The following MACROD2 variants were observed in gnomAD, a reference collection of about 807,000 sequenced individuals.
MACROD2 encodes ADP-ribose glycohydrolase MACROD2.
MACROD2 carries 36 observed loss-of-function variants against 70.4 expected under a neutral mutation model. The ratio of observed to expected loss-of-function variants is 0.51; its 90% CI spans 0.39 to 0.68. MACROD2 has a LOEUF of 0.68. Among genes scored for constraint, MACROD2 ranks in the 30% least tolerant of loss-of-function variants. MACROD2 has a pLI of 0.00. For synonymous variants in MACROD2, 172 were observed against 178.8 expected, an observed-to-expected ratio of 0.96 and a Z score of 0.30; for missense variants, 496 against 538.4, an observed-to-expected ratio of 0.92 and a Z score of 0.78.
intron 6 of MACROD2, among the ~76,000 whole-genome samples, chr20:15,248,277 A>G (rs533669061): frequency 1.4e-4 from 21 of 152,220 alleles, no homozygotes; most frequent in Admixed American, 1.1e-3. Context: ...TCCTCCCTGC[A>G]TCTGTCTGTG....
At chr20:14,972,789 G>A (rs190719756) in intron 5 of MACROD2, among the ~76,000 whole-genome samples, 3 of 152,266 alleles carry the variant, frequency 2.0e-5, no homozygotes, top group Non-Finnish European at 4.4e-5. Context: ...TGGAAGCATA[G>A]ATGCTTCACT....
intron 5 of MACROD2, among the ~76,000 whole-genome samples, chr20:14,860,346 A>G (rs137952349): frequency 6.6e-6 from 1 of 151,598 alleles, no homozygotes; most frequent in Non-Finnish European, 1.5e-5. Flanking sequence ...GATTGAATCA[A>G]TGCTTTTTTT....
intron 5 of MACROD2, among the ~76,000 whole-genome samples, chr20:15,102,793 T>C (rs2075883039): frequency 6.6e-6 from 1 of 152,002 alleles, no homozygotes; most frequent in Non-Finnish European, 1.5e-5. Context: ...AACCCAAATG[T>C]GGCAGGAGAA....
intron 6 of MACROD2, among the ~76,000 whole-genome samples, chr20:15,427,156 C>T (rs2046309239): frequency 6.6e-6 from 1 of 152,140 alleles, no homozygotes; most frequent in Non-Finnish European, 1.5e-5. Context: ...TTTATCATTG[C>T]CTTTTTGTTT....
chr20:14,164,582 G>A (rs1424676787), intron 3 of MACROD2, among the ~76,000 whole-genome samples: 1 of 152,116 alleles, frequency 6.6e-6, no homozygotes, highest in African/African-American at 2.4e-5. Flanking sequence ...GTTGGCAGTG[G>A]CTGTGACAGG....
chr20:14,785,938 G>C (rs1159741818), intron 5 of MACROD2, among the ~76,000 whole-genome samples: 2 of 152,038 alleles, frequency 1.3e-5, no homozygotes, highest in Non-Finnish European at 2.9e-5. Flanking sequence ...TGCTTCTTCA[G>C]TACATCAGCA....
At chr20:15,834,630 A>G (rs1240923759) in intron 8 of MACROD2, among the ~76,000 whole-genome samples, 8 of 152,142 alleles carry the variant, frequency 5.3e-5, no homozygotes, top group Non-Finnish European at 1.2e-4. Context: ...CTACTTAACG[A>G]GGATTTCTTC....
At chr20:15,445,340 A>G (rs914193174) in intron 7 of MACROD2, among the ~76,000 whole-genome samples, 6 of 152,172 alleles carry the variant, frequency 3.9e-5, no homozygotes, top group Non-Finnish European at 8.8e-5. Flanking sequence ...ACTGTAGCCA[A>G]TTGTTTAAAA....
chr20:15,957,668 C>A (rs1279632449), intron 12 of MACROD2, among the ~76,000 whole-genome samples: 2 of 152,172 alleles, frequency 1.3e-5, no homozygotes, highest in African/African-American at 4.8e-5. Context: ...TAAAAAGTCT[C>A]AAAAGGCATT....
intron 5 of MACROD2, among the ~76,000 whole-genome samples, chr20:14,807,707 G>A (rs1263634711): frequency 6.6e-6 from 1 of 152,086 alleles, no homozygotes; most frequent in Non-Finnish European, 1.5e-5. Context: ...AAAGGTTAGA[G>A]GAACGGCTAA....
At chr20:14,705,933 C>T (rs2071264214) in intron 5 of MACROD2, among the ~76,000 whole-genome samples, 1 of 151,854 alleles carries the variant, frequency 6.6e-6, no homozygotes, top group African/African-American at 2.4e-5. Context: ...TCTTTTTCTT[C>T]TCTTGTACAG....
At chr20:15,018,676 T>C (rs1374248036) in intron 5 of MACROD2, among the ~76,000 whole-genome samples, 1 of 151,998 alleles carries the variant, frequency 6.6e-6, no homozygotes, top group Non-Finnish European at 1.5e-5. Context: ...GCTAGGCCCG[T>C]CTCTCCTTTT....
chr20:15,468,533 T>C (rs1000557675), intron 7 of MACROD2, among the ~76,000 whole-genome samples: 13 of 152,176 alleles, frequency 8.5e-5, no homozygotes, highest in African/African-American at 3.1e-4. Flanking sequence ...AAACAGCTTG[T>C]AGACAAAGAG....
At chr20:14,513,413 A>T (rs2085052578) in intron 4 of MACROD2, among the ~76,000 whole-genome samples, 1 of 152,072 alleles carries the variant, frequency 6.6e-6, no homozygotes, top group Non-Finnish European at 1.5e-5. Context: ...CACTGCTTGC[A>T]TTTTTCTTCT....
chr20:14,886,969 A>G (rs1488335391), intron 5 of MACROD2, among the ~76,000 whole-genome samples: 1 of 152,180 alleles, frequency 6.6e-6, no homozygotes, highest in Non-Finnish European at 1.5e-5. Flanking sequence ...GGACCACAAG[A>G]TGATCATACA....
intron 3 of MACROD2, among the ~76,000 whole-genome samples, chr20:14,369,019 A>AT (rs1163083193): frequency 6.6e-6 from 1 of 152,094 alleles, no homozygotes; most frequent in Non-Finnish European, 1.5e-5. Flanking sequence ...ATGGGCATGG[A>AT]TTTTTTTAAA....
At chr20:15,649,180 CCTT>C (rs1206210029) in intron 8 of MACROD2, among the ~76,000 whole-genome samples, 14 of 139,350 alleles carry the variant, frequency 1.0e-4, no homozygotes, top group African/African-American at 3.2e-4. Flanking sequence ...TTCTCTTTCT[CCTT>C]CTTTTTCCTT....
rs187313264 is a variant in MACROD2, at chr20:16,035,191, A to T, written c.1154-6010A>T. 1.3e-3 allele frequency among the ~76,000 whole-genome samples: 153 copies of T among 122,232 alleles called. 6 individuals carry two copies. Among genetic ancestry groups the T allele is most frequent in the African/African-American group, 4.9e-3 (131 of 26,500 alleles). The allele number at this position is 122,232 out of a possible 152,430, so 80.2% of individuals were successfully genotyped here. ...ATATAAAATATTATATATTATATAT[A>T]AAATATAATATAAAATATTATATAT... On this transcript the variant is annotated intron_variant, in intron 15 of 17. Transcript: ENST00000684519.
chr20:14,221,814 A>C (rs1214685647), intron 3 of MACROD2, among the ~76,000 whole-genome samples: 1 of 152,230 alleles, frequency 6.6e-6, no homozygotes, highest in South Asian at 2.1e-4. Flanking sequence ...AAAGGTGGGC[A>C]AAGGACATGA....
Sources: allele counts gnomAD v4.1 joint callset (sites outside exome capture counted in the v4.1 genomes callset), GRCh38; gene constraint gnomAD v4.1.1; transcripts MANE v1.5; gene names NCBI Gene and HGNC (gene_info 2026-07-23, HGNC 2026-07-21).